Variants in CHN1 observed in about 807,000 individuals in gnomAD.
CHN1 encodes N-chimaerin.
Under a neutral mutation model 59.5 loss-of-function variants are expected in CHN1, and 37 were observed. That is an observed-to-expected ratio of 0.62 (90% CI 0.48 to 0.82). The LOEUF is 0.82. Among genes scored for constraint, CHN1 ranks in the 40% least tolerant of loss-of-function variants. The pLI is 0.00. For missense variants in CHN1, 469 were observed against 571.0 expected (o/e 0.82, Z 1.82); for synonymous variants, 206 against 200.4 (o/e 1.03, Z -0.24).
chr2:174,978,826 A>G (rs1479807469), intron 1 of CHN1, among the ~76,000 whole-genome samples: 3 of 152,260 alleles, frequency 2.0e-5, no homozygotes, highest in Non-Finnish European at 4.4e-5. Context: ...TGACCAAACC[A>G]GTAATAAAAT....
intron 1 of CHN1, among the ~76,000 whole-genome samples, chr2:174,976,126 C>CAAA (rs71031078): frequency 2.0e-4 from 10 of 50,186 alleles, no homozygotes; most frequent in African/African-American, 6.2e-4. Context: ...GACTCCGTCT[C>CAAA]AAAAAAAAAA....
chr2:174,806,149 G>C (rs948341199), intron 11 of CHN1, among the ~76,000 whole-genome samples: 1 of 152,080 alleles, frequency 6.6e-6, no homozygotes, highest in Non-Finnish European at 1.5e-5. Flanking sequence ...AAGGAAGGTG[G>C]GGGTGAGTGA....
chr2:174,886,483 T>C (rs1307156618), intron 5 of CHN1, among the ~76,000 whole-genome samples: 1 of 152,220 alleles, frequency 6.6e-6, no homozygotes, highest in Non-Finnish European at 1.5e-5. Flanking sequence ...TGTGTTCTCC[T>C]TCCAATTCGC....
At chr2:174,827,509 C>T (rs1685728475) in intron 7 of CHN1, among the ~76,000 whole-genome samples, 1 of 152,150 alleles carries the variant, frequency 6.6e-6, no homozygotes, top group African/African-American at 2.4e-5. Flanking sequence ...AACGACTGGC[C>T]TGGCAGGAGA....
At chr2:174,920,899 A>G in intron 3 of CHN1, 1 of 419,494 alleles carries the variant, frequency 2.4e-6, no homozygotes, top group South Asian at 1.8e-5. Flanking sequence ...GTTTTCCTGC[A>G]ACTAGACGGC....
At position 174,878,101 on chromosome 2, in the gene CHN1, C is replaced by A. The variant is rs529935785; in HGVS notation, c.288G>T (p.Arg96Ser). ...LRFGSQTRNF[R>S]LYYDGKHFVG... is the part of the protein sequence containing the mutation. ...CAAAGTGCTTGCCATCGTAGTAGAG[C>A]CTGAAGTTTCTGGTTTGACTTCCAA... Residue 96 changes from arginine to serine, a missense_variant, in exon 6 of 13, where the codon AGG becomes AGT. Physicochemically the swap from Arg to Ser is moderately radical, Grantham distance 110. Transcript: ENST00000409900. 12 of 1,550,724 alleles carry A rather than the reference C, an allele frequency of 7.7e-6. No homozygotes were observed. The highest frequency in any genetic ancestry group is 1.8e-5 in the Admixed American group (1 of 56,898).
chr2:175,001,932 A>ACATGTGC (rs1691902695), intron 1 of CHN1, among the ~76,000 whole-genome samples: 1 of 152,228 alleles, frequency 6.6e-6, no homozygotes, highest in Non-Finnish European at 1.5e-5. Context: ...TTACTAGAAA[A>ACATGTGC]CATGTGCTCT....
intron 1 of CHN1, among the ~76,000 whole-genome samples, chr2:174,985,443 TTACA>T: frequency 6.6e-6 from 1 of 152,302 alleles, no homozygotes; most frequent in Middle Eastern, 3.4e-3. Context: ...TAATTAAAAA[TTACA>T]TAATATATTC....
chr2:174,845,277 T>C (rs565276143), intron 7 of CHN1, among the ~76,000 whole-genome samples: 1 of 152,274 alleles, frequency 6.6e-6, no homozygotes, highest in East Asian at 1.9e-4. Flanking sequence ...TGGAGATATA[T>C]TTAAGATCTC....
intron 5 of CHN1, among the ~76,000 whole-genome samples, chr2:174,895,374 G>A (rs1312496825): frequency 6.6e-6 from 1 of 152,008 alleles, no homozygotes; most frequent in Admixed American, 6.6e-5. Flanking sequence ...ATCTAGAGCA[G>A]TCAAAATCAT....
At chr2:174,994,927 T>C (rs1175055227) in intron 1 of CHN1, among the ~76,000 whole-genome samples, 2 of 152,154 alleles carry the variant, frequency 1.3e-5, no homozygotes, top group Admixed American at 6.5e-5. Flanking sequence ...GGGAAGTAAA[T>C]TGTAAACTAA....
At chr2:174,871,935 A>T (rs1467120816) in intron 6 of CHN1, among the ~76,000 whole-genome samples, 1 of 152,190 alleles carries the variant, frequency 6.6e-6, no homozygotes, top group Admixed American at 6.5e-5. Context: ...TTAGTTCAGG[A>T]GACTGAAGAA....
intron 3 of CHN1, among the ~76,000 whole-genome samples, chr2:174,928,618 T>C (rs970509259): frequency 2.0e-5 from 3 of 152,178 alleles, no homozygotes; most frequent in African/African-American, 7.2e-5. Flanking sequence ...GGGAGAGGTA[T>C]ATGACTGAAC....
chr2:174,907,806 G>C (rs1337731611), intron 5 of CHN1, among the ~76,000 whole-genome samples: 1 of 151,766 alleles, frequency 6.6e-6, no homozygotes, highest in Non-Finnish European at 1.5e-5. Context: ...TTTTATATAA[G>C]TAGTATGATA....
chr2:174,835,133 A>G (rs977801932), intron 7 of CHN1, among the ~76,000 whole-genome samples: 1 of 152,148 alleles, frequency 6.6e-6, no homozygotes, highest in African/African-American at 2.4e-5. Flanking sequence ...TTTATGATGA[A>G]TTTATCCAGA....
At chr2:174,870,922 T>A (rs1687386250) in intron 6 of CHN1, among the ~76,000 whole-genome samples, 1 of 152,176 alleles carries the variant, frequency 6.6e-6, no homozygotes, top group South Asian at 2.1e-4. Context: ...TACAATTTGG[T>A]CTTCTGTTGG....
At position 174,850,803 on chromosome 2, in the gene CHN1, G is replaced by A. The variant is rs1188986032; in HGVS notation, c.550-3846C>T. ...TATAATGACATGTATGCCAGCTGAG[G>A]AAGCAGATTAGGAGAGAAGTGGAAA... is the stretch of plus-strand genomic sequence containing the variant. On this transcript the variant is annotated intron_variant, in intron 6 of 12. Coordinates refer to ENST00000409900, the MANE Select transcript of CHN1 (RefSeq NM_001822.7). Among the ~76,000 whole-genome samples, 4 of 152,176 alleles carry A rather than the reference G, an allele frequency of 2.6e-5. No homozygotes were observed. The East Asian group carries it at 5.8e-4, about 22-fold the overall frequency.
In CHN1 at chr2:174,801,705, G is replaced by C; in HGVS notation, c.1208+2C>G. ...GTGTAAGACTCAAAGTCTATAGCTTGCCTCTTTAGATGTGCCATGAGGTAC... is the reference window on the plus strand; with the variant it reads ...GTGTAAGACTCAAAGTCTATAGCTTCCCTCTTTAGATGTGCCATGAGGTAC... On this transcript the variant is annotated splice_donor_variant, in intron 12 of 12. Coordinates refer to ENST00000409900, the MANE Select transcript of CHN1 (RefSeq NM_001822.7). LOFTEE classifies it high-confidence loss of function. 2 of 1,609,396 alleles carry C rather than the reference G, an allele frequency of 1.2e-6. No homozygotes were observed. The highest frequency in any genetic ancestry group is 1.7e-6 in the Non-Finnish European group (2 of 1,176,076).
intron 3 of CHN1, among the ~76,000 whole-genome samples, chr2:174,924,637 G>C (rs567724999): frequency 2.0e-5 from 3 of 152,290 alleles, no homozygotes; most frequent in East Asian, 1.9e-4. Context: ...GATTACTTCA[G>C]TGGTGATTTG....
Sources: allele counts gnomAD v4.1 joint callset (sites outside exome capture counted in the v4.1 genomes callset), GRCh38; gene constraint gnomAD v4.1.1; transcripts MANE v1.5; gene names NCBI Gene and HGNC (gene_info 2026-07-23, HGNC 2026-07-21).